The following KCTD18 variants were observed in gnomAD, a reference collection of about 807,000 sequenced individuals.
KCTD18 encodes BTB/POZ domain-containing protein KCTD18.
In KCTD18, 22 loss-of-function variants were observed where a neutral mutation model predicts 30.4. The ratio of observed to expected loss-of-function variants is 0.72; its 90% CI spans 0.52 to 1.03. KCTD18 has a LOEUF of 1.03. KCTD18 is among the 50% of genes least tolerant of loss of function. The pLI is 0.00. For synonymous variants in KCTD18, 186 were observed against 209.0 expected, an observed-to-expected ratio of 0.89 and a Z score of 0.95; for missense variants, 529 against 547.6, an observed-to-expected ratio of 0.97 and a Z score of 0.34.
chr2:200,500,267 G>A (rs964671448), intron 3 of KCTD18, among the ~76,000 whole-genome samples: 7 of 147,894 alleles, frequency 4.7e-5, no homozygotes, highest in Admixed American at 1.4e-4. Context: ...CATAGTGTTG[G>A]AAGTTCTGGC....
intron 6 of KCTD18, 24 bp downstream of exon 6, chr2:200,493,148 A>C (rs756014650): frequency 7.0e-7 from 1 of 1,421,440 alleles, no homozygotes; most frequent in Non-Finnish European, 9.9e-7. Context: ...AAACAAAACA[A>C]ATAAACAACA....
chr2:200,508,483 T>A (rs1019082766), intron 1 of KCTD18, among the ~76,000 whole-genome samples: 2 of 152,180 alleles, frequency 1.3e-5, no homozygotes, highest in African/African-American at 4.8e-5. Context: ...AAAACAATAC[T>A]GTGATGAAAA....
intron 6 of KCTD18, 135 bp downstream of exon 6, chr2:200,493,037 T>C (rs944987358): frequency 3.8e-5 from 23 of 604,586 alleles, no homozygotes; most frequent in Admixed American, 1.2e-4. Flanking sequence ...ATTTTGATGG[T>C]AAGACAGAAT....
rs550154459 is a variant in KCTD18, at chr2:200,497,634, A to C, written c.661+119T>G. ...GCCTCAGTGTTATCATGAGATGACA[A>C]ATACATTGTAAGACTCAAAAGAATA... On this transcript the variant is annotated intron_variant, in intron 5 of 6. Coordinates refer to ENST00000359878, the MANE Select transcript of KCTD18 (RefSeq NM_152387.4). 1.7e-4 allele frequency: 126 copies of C among 739,506 alleles called. No homozygotes were observed. Among genetic ancestry groups the C allele is most frequent in the Admixed American group, 7.5e-4 (36 of 48,018 alleles). The allele number at this position is 739,506 out of a possible 1,614,324, so 45.8% of individuals were successfully genotyped here. A position where few individuals can be genotyped will look rare whatever the true frequency, so the allele number is the denominator to read the frequency against.
rs1290442546 is a variant in KCTD18, at chr2:200,501,663, AT to A, written c.373-2580del. Among the ~76,000 whole-genome samples the A allele has an allele frequency of 1.5e-3, 215 of 143,754 alleles. 1 individual carries two copies. Among genetic ancestry groups the A allele is most frequent in the African/African-American group, 5.4e-3 (209 of 38,756 alleles). 94.3% of individuals were successfully genotyped at this position (143,754 alleles called of 152,430 possible). On this transcript the variant is annotated intron_variant, in intron 3 of 6. Coordinates refer to ENST00000359878, the MANE Select transcript of KCTD18 (RefSeq NM_152387.4). ...CAGGTGCTGGAGAGGATGTGGAGAAATAGGAACACTTTTACACTGTTGGTGG... is the reference window on the plus strand; with the variant it reads ...CAGGTGCTGGAGAGGATGTGGAGAAAAGGAACACTTTTACACTGTTGGTGG...
intron 3 of KCTD18, among the ~76,000 whole-genome samples, chr2:200,502,589 T>C (rs1263635690): frequency 6.6e-6 from 1 of 152,236 alleles, no homozygotes; most frequent in Non-Finnish European, 1.5e-5. Flanking sequence ...CATTCATTCA[T>C]TTGAATATTA....
intron 6 of KCTD18, among the ~76,000 whole-genome samples, chr2:200,491,059 C>G (rs1171216172): frequency 6.6e-6 from 1 of 152,042 alleles, no homozygotes; most frequent in Non-Finnish European, 1.5e-5. Flanking sequence ...GGCTGCATGT[C>G]CCCCCCGAAG....
intron 2 of KCTD18, among the ~76,000 whole-genome samples, chr2:200,506,258 C>T (rs1478876113): frequency 6.6e-6 from 1 of 152,100 alleles, no homozygotes; most frequent in Non-Finnish European, 1.5e-5. Context: ...CAGTGAGTAC[C>T]AGAGCACTGG....
intron 5 of KCTD18, among the ~76,000 whole-genome samples, chr2:200,493,548 G>C (rs1165674764): frequency 1.3e-5 from 2 of 152,232 alleles, no homozygotes; most frequent in African/African-American, 4.8e-5. Context: ...GGGCAGCTGA[G>C]AGTGAGGGCT....
chr2:200,492,469 A>G (rs116662968), intron 6 of KCTD18, among the ~76,000 whole-genome samples: 8 of 152,332 alleles, frequency 5.3e-5, no homozygotes, highest in Non-Finnish European at 7.4e-5. Context: ...ATCTGTTTTG[A>G]CAAGTGATGG....
At chr2:200,505,079 T>G (rs1028224590) in intron 2 of KCTD18, 120 bp from the exon 3 acceptor site, 10 of 742,438 alleles carry the variant, frequency 1.3e-5, no homozygotes, top group Non-Finnish European at 2.2e-5. Flanking sequence ...ACATGAAAGT[T>G]AACATCTAGT....
chr2:200,508,615 C>A (rs1478009448), intron 1 of KCTD18, among the ~76,000 whole-genome samples: 4 of 152,134 alleles, frequency 2.6e-5, no homozygotes, highest in African/African-American at 9.7e-5. Context: ...CAACTAAGAT[C>A]GTTTTGTAGA....
At chr2:200,504,458 CAAAAA>C (rs761524442) in intron 3 of KCTD18, among the ~76,000 whole-genome samples, 1 of 59,254 alleles carries the variant, frequency 1.7e-5, no homozygotes, top group Non-Finnish European at 4.0e-5. Context: ...GACTCTGCCT[CAAAAA>C]AAAAAAAAAA....
intron 2 of KCTD18, among the ~76,000 whole-genome samples, chr2:200,506,124 C>T (rs2030182733): frequency 6.6e-6 from 1 of 152,140 alleles, no homozygotes; most frequent in Admixed American, 6.5e-5. Context: ...AAAACAGTCC[C>T]TCATGTTCAA....
intron 4 of KCTD18, 96 bp downstream of exon 4, chr2:200,498,795 T>C: frequency 1.9e-6 from 2 of 1,057,486 alleles, no homozygotes; most frequent in African/African-American, 1.6e-5. Flanking sequence ...GAGGTGTTAA[T>C]GGTCTTTTCT....
chr2:200,498,652 G>T (rs1026930695), intron 4 of KCTD18, among the ~76,000 whole-genome samples: 1 of 152,142 alleles, frequency 6.6e-6, no homozygotes, highest in African/African-American at 2.4e-5. Context: ...CAGACTCCCA[G>T]TTGAGAACCA....
At chr2:200,503,167 C>G (rs967992702) in intron 3 of KCTD18, among the ~76,000 whole-genome samples, 6 of 152,284 alleles carry the variant, frequency 3.9e-5, no homozygotes, top group Admixed American at 2.0e-4. Flanking sequence ...TGTAAGTACT[C>G]TGGACAGGTA....
intron 1 of KCTD18, among the ~76,000 whole-genome samples, chr2:200,507,809 C>T (rs1174612614): frequency 6.6e-6 from 1 of 152,114 alleles, no homozygotes; most frequent in Non-Finnish European, 1.5e-5. Context: ...TATAATTTAT[C>T]AACTGAGATT....
chr2:200,506,946 G>A lies in KCTD18; in HGVS notation c.71C>T (p.Thr24Ile), dbSNP rs1369749112. The change falls in exon 2 of 7, where the codon ACA (threonine) becomes ATA (isoleucine). Residue 24 changes from threonine to isoleucine, a missense_variant. Physicochemically the swap from Thr to Ile is moderately conservative, Grantham distance 89 (BLOSUM62 -1). Coordinates refer to ENST00000359878, the MANE Select transcript of KCTD18 (RefSeq NM_152387.4). ...GCGGCACAAGGACTCCCGCCGGGCT[G>A]TGTAAATACAGCCACCCACGTTCAG... ...LRLNVGGCIY[T>I]ARRESLCRFK... 1.2e-6 allele frequency: 2 copies of A among 1,614,012 alleles called. No individual in the cohort carries two copies. Among genetic ancestry groups the A allele is most frequent in the East Asian group, 4.5e-5 (2 of 44,874 alleles).
Sources: gnomAD v4.1 joint callset for allele counts (sites outside exome capture counted in the v4.1 genomes callset) on GRCh38, gnomAD v4.1.1 for gene constraint, MANE v1.5 for transcripts, NCBI Gene and HGNC (gene_info 2026-07-23, HGNC 2026-07-21) for gene names.